KLK2: variants seen among roughly 807,000 people sequenced by gnomAD.
KLK2 encodes the protein kallikrein-2.
Under a neutral mutation model 23.0 loss-of-function variants are expected in KLK2, and 17 were observed. The ratio of observed to expected loss-of-function variants is 0.74; its 90% CI spans 0.51 to 1.11. The LOEUF (loss-of-function observed/expected upper bound fraction) is 1.11. KLK2 is among the 50% of genes least tolerant of loss of function. The pLI is 0.00. For synonymous variants in KLK2, 140 were observed against 124.7 expected, an observed-to-expected ratio of 1.12 and a Z score of -0.82; for missense variants, 330 against 325.9, an observed-to-expected ratio of 1.01 and a Z score of -0.10.
rs1188520335 is a variant in KLK2, at chr19:50,874,846, C to T, written c.172C>T (p.Gln58Ter). 2 of 1,613,284 alleles carry T rather than the reference C, an allele frequency of 1.2e-6. No homozygotes were observed. The highest frequency in any genetic ancestry group is 4.5e-5 in the East Asian group (2 of 44,846). ...AHCGGVLVHP[Q>*]WVLTAAHCLK... Reference sequence around the variant, plus strand: ...CTGTGGGGGTGTCCTGGTGCACCCCCAGTGGGTGCTCACAGCTGCCCATTG... The same window carrying T: ...CTGTGGGGGTGTCCTGGTGCACCCCTAGTGGGTGCTCACAGCTGCCCATTG... The change falls in exon 2 of 5, where the codon CAG becomes TAG. Residue 58 changes from glutamine (Q) to a stop codon, truncating the protein, a stop_gained. Coordinates refer to ENST00000325321, the MANE Select transcript of KLK2 (RefSeq NM_005551.5). LOFTEE classifies it high-confidence loss of function.
intron 1 of KLK2, 44 bp from the exon 2 acceptor site, chr19:50,874,677 A>G (rs775353992): frequency 7.0e-6 from 11 of 1,566,686 alleles, no homozygotes; most frequent in East Asian, 2.3e-5. Flanking sequence ...CCCCTATCCA[A>G]TTCTTTTGGG....
chr19:50,875,236 C>T (rs767328925), intron 2 of KLK2, among the ~76,000 whole-genome samples: 5 of 152,194 alleles, frequency 3.3e-5, no homozygotes, highest in African/African-American at 7.2e-5. Flanking sequence ...GTGTGTCTCA[C>T]CCTGCATCTC....
chr19:50,876,459 C>A lies in KLK2; in HGVS notation c.207-13C>A, dbSNP rs763386699. On this transcript the variant is annotated splice_polypyrimidine_tract_variant and intron_variant, in intron 2 of 4. Transcript: ENST00000325321. ...TTTCTCTCTCCTCATGCATCCACCC[C>A]CTTCCTCCCCAGGAATAGCCAGGTC... 2.5e-6 allele frequency: 4 copies of A among 1,613,554 alleles called. No individual in the cohort carries two copies. Among genetic ancestry groups the A allele is most frequent in the African/African-American group, 1.3e-5 (1 of 75,038 alleles).
chr19:50,876,395 T>G, intron 2 of KLK2, 77 bp from the exon 3 acceptor site: 2 of 1,309,692 alleles, frequency 1.5e-6, no homozygotes, highest in Non-Finnish European at 2.2e-6. Flanking sequence ...CCCTTTGGAG[T>G]CTCCCTTATC....
rs1436987668 is a variant in KLK2, at chr19:50,876,914, T to C, written c.536T>C (p.Leu179Pro). The C allele has an allele frequency of 6.2e-7, 1 of 1,614,076 alleles. No individual in the cohort carries two copies. Among genetic ancestry groups the C allele is most frequent in the African/African-American group, 1.3e-5 (1 of 74,918 alleles). ...CTTCAGTGTGTGAGCCTCCATCTCC[T>C]GTCCAATGACATGTGTGCTAGAGCT... Reference protein sequence around the residue: ...RSLQCVSLHLLSNDMCARAYS... With the variant: ...RSLQCVSLHLPSNDMCARAYS... The change falls in exon 4 of 5, where the codon CTG becomes CCG. Residue 179 changes from leucine to proline, a missense_variant. Transcript: ENST00000325321.
rs2090290594 is a variant in KLK2 at position 50,876,602 on chromosome 19, C to G, written c.337C>G (p.Pro113Ala). ...MSLLKHQSLR[P>A]DEDSSHDLML... is the part of the protein sequence containing the mutation. ...CCTTCTGAAGCATCAAAGCCTTAGA[C>G]CAGATGAAGACTCCAGCCATGACCT... is the stretch of plus-strand genomic sequence containing the variant. Residue 113 changes from proline (P) to alanine (A), a missense_variant, in exon 3 of 5, where the codon CCA becomes GCA. Pro to Ala is a conservative substitution (Grantham distance 27, BLOSUM62 -1). Transcript: ENST00000325321. 1.9e-6 allele frequency: 3 copies of G among 1,614,224 alleles called. No individual in the cohort carries two copies. The highest frequency in any genetic ancestry group is 2.2e-5 in the South Asian group (2 of 91,080).
chr19:50,877,125 C>A, intron 4 of KLK2, 117 bp downstream of exon 4: 1 of 1,364,018 alleles, frequency 7.3e-7, no homozygotes, highest in Non-Finnish European at 1.0e-6. Context: ...GCTATAGCCA[C>A]GCCCCCTCCC....
At chr19:50,877,505 G>A (rs914497210) in intron 4 of KLK2, 8 of 171,226 alleles carry the variant, frequency 4.7e-5, no homozygotes, top group Non-Finnish European at 8.8e-5. Context: ...AGAGCCCTGC[G>A]GCACCTGGGG....
rs2090319324 is a variant in KLK2, at chr19:50,879,224, A to G, written c.*665A>G. On this transcript the variant is annotated 3_prime_UTR_variant, in exon 5 of 5. Coordinates refer to ENST00000325321, the MANE Select transcript of KLK2 (RefSeq NM_005551.5). The stretch of plus-strand genomic sequence containing the variant: ...GGACTTACAGAAATAAAGAGCTATC[A>G]TGCTGTGGTTTATTATGGTTTGTTA... 4.3e-6 allele frequency: 1 copy of G among 232,858 alleles called. No individual in the cohort carries two copies. Among genetic ancestry groups the G allele is most frequent in the African/African-American group, 2.2e-5 (1 of 45,338 alleles). 14.4% of individuals were successfully genotyped at this position (232,858 alleles called of 1,614,324 possible).
At chr19:50,874,908 G>T in intron 2 of KLK2, 28 bp downstream of exon 2, 1 of 1,607,828 alleles carries the variant, frequency 6.2e-7, no homozygotes, top group Non-Finnish European at 8.5e-7. Context: ...ATCTGGGGAG[G>T]GAATGGCTGT....
chr19:50,878,353 C>T (rs2090310523), intron 4 of KLK2, 51 bp from the exon 5 acceptor site: 3 of 1,559,274 alleles, frequency 1.9e-6, no homozygotes, highest in Non-Finnish European at 8.7e-7. Flanking sequence ...GTTGCCTAGG[C>T]AGTTATTGGG....
In KLK2 at chr19:50,874,742, C is replaced by T. The variant is rs746744259; in HGVS notation, c.68C>T (p.Ser23Phe). The change falls in exon 2 of 5, where the codon TCT becomes TTT. Residue 23 changes from serine (S) to phenylalanine (F), a missense_variant. Coordinates refer to ENST00000325321, the MANE Select transcript of KLK2 (RefSeq NM_005551.5). ...GCAGGTGCCGTGCCCCTCATCCAGT[C>T]TCGGATTGTGGGAGGCTGGGAGTGT... ...GCTGAVPLIQ[S>F]RIVGGWECEK... 5 of 1,612,322 alleles carry T rather than the reference C, an allele frequency of 3.1e-6. No homozygotes were observed. The South Asian group carries it at 5.5e-5, about 18-fold the overall frequency.
At chr19:50,877,345 C>T (rs8105211) in intron 4 of KLK2, 92,148 of 370,826 alleles carry the variant, frequency 0.25, 11,975 homozygotes, top group African/African-American at 0.31. Flanking sequence ...GTGAGGGGCA[C>T]TGGCAGGAAC....
intron 4 of KLK2, chr19:50,877,722 G>C (rs990417457): frequency 1.3e-5 from 2 of 154,542 alleles, no homozygotes; most frequent in African/African-American, 4.8e-5. Context: ...AGCTGTGGAT[G>C]GTGCTGGACA....
In KLK2 at chr19:50,878,607, G is replaced by T. The variant is rs370593708; in HGVS notation, c.*48G>T. The T allele has an allele frequency of 8.3e-6, 13 of 1,568,478 alleles. No individual in the cohort carries two copies. Among genetic ancestry groups the T allele is most frequent in the Non-Finnish European group, 1.1e-5 (13 of 1,147,848 alleles). ...TCTAGTAAATTTAAGTCCACCTCAC[G>T]TTCTGGCATCACTTGGCCTTTCTGG... On this transcript the variant is annotated 3_prime_UTR_variant, in exon 5 of 5. Transcript: ENST00000325321.
In KLK2 at chr19:50,876,601, A is replaced by G. The variant is rs757962096; in HGVS notation, c.336A>G (p.Arg112=). 48 of 1,614,128 alleles carry G rather than the reference A, an allele frequency of 3.0e-5. No individual in the cohort carries two copies. Among genetic ancestry groups the G allele is most frequent in the Non-Finnish European group, 3.9e-5 (46 of 1,180,022 alleles). Residue 112 remains arginine, a synonymous_variant, in exon 3 of 5, where the codon AGA becomes AGG. Transcript: ENST00000325321. The part of the protein sequence containing the change: ...NMSLLKHQSL[R]PDEDSSHDLM... Reference sequence around the variant, plus strand: ...GCCTTCTGAAGCATCAAAGCCTTAGACCAGATGAAGACTCCAGCCATGACC... The same window carrying G: ...GCCTTCTGAAGCATCAAAGCCTTAGGCCAGATGAAGACTCCAGCCATGACC...
chr19:50,878,087 G>T lies in KLK2; in HGVS notation c.631-317G>T, dbSNP rs112033182. 4.1e-3 allele frequency among the ~76,000 whole-genome samples: 617 copies of T among 152,296 alleles called. 2 individuals are homozygous for T. The highest frequency in any genetic ancestry group is 0.013 in the African/African-American group (538 of 41,552). On this transcript the variant is annotated intron_variant, in intron 4 of 4. Coordinates refer to ENST00000325321, the MANE Select transcript of KLK2 (RefSeq NM_005551.5). ...GAGGTGGCCTCTGCGATGTGCCTGT[G>T]GGGGCAGCATCCTGCAGATGGTCCC...
chr19:50,878,020 A>G (rs538360869), intron 4 of KLK2, among the ~76,000 whole-genome samples: 8 of 152,200 alleles, frequency 5.3e-5, no homozygotes, highest in East Asian at 3.9e-4. Flanking sequence ...TGGCTCCCCA[A>G]TGCCCTGGAG....
At chr19:50,876,376 C>G in intron 2 of KLK2, 96 bp from the exon 3 acceptor site, 1 of 1,144,936 alleles carries the variant, frequency 8.7e-7, no homozygotes, top group South Asian at 1.5e-5. Flanking sequence ...CTCACTGTTT[C>G]TTTTTCTTCC....
Sources: gnomAD v4.1 joint callset for allele counts (sites outside exome capture counted in the v4.1 genomes callset) on GRCh38, gnomAD v4.1.1 for gene constraint, MANE v1.5 for transcripts, NCBI Gene and HGNC (gene_info 2026-07-23, HGNC 2026-07-21) for gene names.